The following LAMC1 variants were observed in gnomAD, a reference collection of about 807,000 sequenced individuals.
The protein encoded by LAMC1 is laminin subunit gamma 1.
A neutral mutation model predicts 173.6 loss-of-function variants in LAMC1; 38 were observed. That is an observed-to-expected ratio of 0.22 (90% CI 0.17 to 0.29). The LOEUF is 0.29. Ranked by LOEUF, LAMC1 falls within the 10% of genes least tolerant of loss-of-function variation. The probability of loss-of-function intolerance (pLI) is 1.00; values close to 1 mark genes in which losing one functional copy is unlikely to be tolerated. For synonymous variants in LAMC1, 746 were observed against 749.1 expected, an observed-to-expected ratio of 1.00 and a Z score of 0.07; for missense variants, 1,824 against 2,051.8, an observed-to-expected ratio of 0.89 and a Z score of 2.14.
chr1:183,136,693 A>G (rs551370421), intron 25 of LAMC1, 108 bp downstream of exon 25: 2 of 885,648 alleles, frequency 2.3e-6, no homozygotes, highest in African/African-American at 1.7e-5. Context: ...CCTGAACTTC[A>G]GTAAAATTGT....
chr1:183,036,297 G>A (rs934549879), intron 1 of LAMC1, among the ~76,000 whole-genome samples: 26 of 150,556 alleles, frequency 1.7e-4, no homozygotes, highest in South Asian at 1.3e-3. Context: ...ATGGGGTTTC[G>A]CCATGTTAGC....
chr1:183,077,433 T>A (rs1655143853), intron 1 of LAMC1, among the ~76,000 whole-genome samples: 1 of 152,092 alleles, frequency 6.6e-6, no homozygotes, highest in Non-Finnish European at 1.5e-5. Context: ...TTTCCATAGG[T>A]TATTGGGGTA....
chr1:183,072,061 G>C (rs1426720885), intron 1 of LAMC1, among the ~76,000 whole-genome samples: 1 of 152,174 alleles, frequency 6.6e-6, no homozygotes, highest in Non-Finnish European at 1.5e-5. Context: ...TGAACATGGG[G>C]AATTTTTATG....
chr1:183,095,962 T>C (rs551521592), intron 1 of LAMC1, among the ~76,000 whole-genome samples: 3 of 152,334 alleles, frequency 2.0e-5, no homozygotes, highest in South Asian at 2.1e-4. Flanking sequence ...GACATTCTAG[T>C]GTTCAGTTAA....
chr1:183,087,326 C>G (rs1655456895), intron 1 of LAMC1, among the ~76,000 whole-genome samples: 1 of 152,128 alleles, frequency 6.6e-6, no homozygotes, highest in African/African-American at 2.4e-5. Context: ...AGTTCTCTCC[C>G]TATAAAAGGC....
chr1:183,142,896 T>C lies in LAMC1; in HGVS notation c.*106T>C. The C allele has an allele frequency of 1.7e-6, 2 of 1,206,982 alleles. No individual in the cohort carries two copies. Among genetic ancestry groups the C allele is most frequent in the Non-Finnish European group, 1.2e-6 (1 of 858,472 alleles). The allele number at this position is 1,206,982 out of a possible 1,614,324, so 74.8% of individuals were successfully genotyped here. ...ATTTTTCAGACCCCCACTCCTCTGC[T>C]GCTGTCCATGACTGTCCTTTTGAAC... On this transcript the variant is annotated 3_prime_UTR_variant, in exon 28 of 28. Transcript: ENST00000258341.
At position 183,137,687 on chromosome 1, in the gene LAMC1, G is replaced by A; in HGVS notation, c.4333G>A (p.Ala1445Thr). The A allele has an allele frequency of 1.3e-6, 2 of 1,596,510 alleles. No individual in the cohort carries two copies. Among genetic ancestry groups the A allele is most frequent in the Non-Finnish European group, 1.7e-6 (2 of 1,171,758 alleles). ...AVQKNATSTK[A>T]EAERTFAEVT... ...TGCCTAGAATGCCACCAGCACCAAG[G>A]CAGAAGCTGAAAGAACTTTTGCAGA... The change falls in exon 26 of 28, where the codon GCA becomes ACA. Residue 1445 changes from alanine (A) to threonine (T), a missense_variant. Ala to Thr is a moderately conservative substitution (Grantham distance 58). Coordinates refer to ENST00000258341, the MANE Select transcript of LAMC1 (RefSeq NM_002293.4).
At chr1:183,050,850 T>C (rs1206329785) in intron 1 of LAMC1, among the ~76,000 whole-genome samples, 1 of 146,258 alleles carries the variant, frequency 6.8e-6, no homozygotes, top group Non-Finnish European at 1.5e-5. Context: ...AAGATCGTGC[T>C]GTTGCATTCC....
intron 1 of LAMC1, among the ~76,000 whole-genome samples, chr1:183,098,189 G>A (rs550271869): frequency 6.6e-6 from 1 of 152,118 alleles, no homozygotes; most frequent in Non-Finnish European, 1.5e-5. Flanking sequence ...TTCTTACTTT[G>A]TCAATTGTGA....
At chr1:183,131,439 G>GTGTGTGTGTGTGTC in intron 20 of LAMC1, 61 bp downstream of exon 20, 2 of 999,878 alleles carry the variant, frequency 2.0e-6, no homozygotes, top group Middle Eastern at 4.2e-4. Flanking sequence ...GTGTGTGTGT[G>GTGTGTGTGTGTGTC]TGTGTGTGTG....
chr1:183,128,897 C>G (rs541755136), intron 18 of LAMC1, 147 bp downstream of exon 18: 7 of 558,640 alleles, frequency 1.3e-5, no homozygotes, highest in Non-Finnish European at 1.9e-5. Context: ...TTTTTAAACA[C>G]TAATTCAAAA....
At chr1:183,082,942 C>G (rs530033445) in intron 1 of LAMC1, among the ~76,000 whole-genome samples, 2 of 152,242 alleles carry the variant, frequency 1.3e-5, no homozygotes, top group African/African-American at 4.8e-5. Context: ...TATGGTGGAG[C>G]AGGAGTTCTC....
intron 1 of LAMC1, among the ~76,000 whole-genome samples, chr1:183,081,785 T>A (rs1210238204): frequency 6.6e-6 from 1 of 152,168 alleles, no homozygotes; most frequent in Non-Finnish European, 1.5e-5. Context: ...GTCTATAGTT[T>A]AGGCTCTCTC....
At chr1:183,111,802 A>G (rs904756648) in intron 4 of LAMC1, among the ~76,000 whole-genome samples, 7 of 152,142 alleles carry the variant, frequency 4.6e-5, no homozygotes, top group African/African-American at 1.2e-4. Flanking sequence ...TGGGAGGCCT[A>G]TGGGGTTGGA....
At chr1:183,098,658 C>G (rs1300088353) in intron 1 of LAMC1, among the ~76,000 whole-genome samples, 1 of 152,212 alleles carries the variant, frequency 6.6e-6, no homozygotes, top group African/African-American at 2.4e-5. Flanking sequence ...CCCAACATTA[C>G]TCCCTGTCTT....
At chr1:183,025,468 T>C (rs1340829114) in intron 1 of LAMC1, among the ~76,000 whole-genome samples, 1 of 152,236 alleles carries the variant, frequency 6.6e-6, no homozygotes, top group Non-Finnish European at 1.5e-5. Context: ...TTTCATAAAA[T>C]GATACTATGA....
intron 6 of LAMC1, among the ~76,000 whole-genome samples, chr1:183,116,345 C>T (rs935431434): frequency 2.2e-4 from 33 of 151,884 alleles, no homozygotes; most frequent in African/African-American, 6.3e-4. Context: ...GGTGTGGTGG[C>T]GTGCGCCTGT....
chr1:183,045,924 T>G (rs931789123), intron 1 of LAMC1, among the ~76,000 whole-genome samples: 1 of 151,980 alleles, frequency 6.6e-6, no homozygotes, highest in African/African-American at 2.4e-5. Context: ...TCATATTTCC[T>G]CTCCGCAAAA....
intron 1 of LAMC1, among the ~76,000 whole-genome samples, chr1:183,094,015 G>T (rs949696468): frequency 6.6e-6 from 1 of 152,110 alleles, no homozygotes; most frequent in Admixed American, 6.6e-5. Flanking sequence ...CTCTCCAGTG[G>T]GTTCTCATCT....
Sources: allele counts gnomAD v4.1 joint callset (sites outside exome capture counted in the v4.1 genomes callset), GRCh38; gene constraint gnomAD v4.1.1; transcripts MANE v1.5; gene names NCBI Gene and HGNC (gene_info 2026-07-23, HGNC 2026-07-21).